The following TTC34 variants were observed in gnomAD, a reference collection of about 807,000 sequenced individuals.
TTC34 encodes the protein tetratricopeptide repeat protein 34.
Under a neutral mutation model 40.7 loss-of-function variants are expected in TTC34, and 44 were observed. The observed-to-expected ratio is 1.08, with a 90% CI of 0.85 to 1.39. TTC34 has a LOEUF of 1.39. Ranked by LOEUF, TTC34 falls within the 40% of genes most tolerant of loss-of-function variation. TTC34 has a pLI of 0.00. For synonymous variants in TTC34, 422 were observed against 398.6 expected, an observed-to-expected ratio of 1.06 and a Z score of -0.70; for missense variants, 884 against 838.0, an observed-to-expected ratio of 1.05 and a Z score of -0.68.
chr1:2,686,295 C>A (rs1486332554), intron 6 of TTC34, among the ~76,000 whole-genome samples: 1 of 151,590 alleles, frequency 6.6e-6, no homozygotes, highest in Non-Finnish European at 1.5e-5. Flanking sequence ...AGGCGAGCAT[C>A]TGAACGCACG....
chr1:2,778,819 T>C (rs988856487), intron 6 of TTC34, among the ~76,000 whole-genome samples: 1 of 152,168 alleles, frequency 6.6e-6, no homozygotes, highest in Non-Finnish European at 1.5e-5. Context: ...TTAAATACAT[T>C]CATCATGTTG....
rs1269569317 is a variant in TTC34 at position 2,685,038 on chromosome 1, C to A, written c.2227-39475G>T. On this transcript the variant is annotated intron_variant, in intron 6 of 8. Coordinates refer to ENST00000401095, the Ensembl canonical transcript of TTC34. ...TGACAGCATGTAACAGCACCCACAC[C>A]CACAGGTGAGCATCTGACAGCCTGG... Among the ~76,000 whole-genome samples, 6 of 113,050 alleles carry A rather than the reference C, an allele frequency of 5.3e-5. 1 individual carries two copies. The South Asian group carries it at 8.2e-4, about 15-fold the overall frequency. 74.2% of individuals were successfully genotyped at this position (113,050 alleles called of 152,430 possible).
At chr1:2,685,223 G>C (rs529919806) in intron 6 of TTC34, among the ~76,000 whole-genome samples, 2 of 124,528 alleles carry the variant, frequency 1.6e-5, no homozygotes, top group Non-Finnish European at 1.7e-5. Flanking sequence ...CTGACATCGT[G>C]GAGCAGCACC....
chr1:2,684,919 C>A (rs1181826940), intron 6 of TTC34, among the ~76,000 whole-genome samples: 14 of 136,482 alleles, frequency 1.0e-4, no homozygotes, highest in African/African-American at 3.1e-4. Context: ...ACCCTGCACA[C>A]CCAGGTGAGC....
intron 6 of TTC34, among the ~76,000 whole-genome samples, chr1:2,749,364 C>G (rs1336233774): frequency 9.0e-3 from 163 of 18,078 alleles, no homozygotes; most frequent in East Asian, 0.032. Context: ...CACCCACATG[C>G]CCAGGTGAGA....
rs569475492 is a variant in TTC34 at position 2,645,308 on chromosome 1, T to C, written c.2482A>G (p.Ile828Val). Residue 828 changes from isoleucine (I) to valine (V), a missense_variant, in exon 7 of 9, where the codon ATT becomes GTT. By Grantham distance (29) the Ile-to-Val change is conservative (BLOSUM62 3). Transcript: ENST00000401095. This position sits in a 1 kb window ranked among gnomAD's most constrained non-coding sequence, Gnocchi z 4.7. ...CGCCGCATACCCTGTGCCATGAGAA[T>C]GTCTGCCAGGAGGAGGTGCCAGTGC... 2.0e-6 allele frequency: 3 copies of C among 1,496,634 alleles called. No homozygotes were observed. In the African/African-American group the frequency reaches 4.2e-5, roughly 21 times the overall value. 92.7% of individuals were successfully genotyped at this position (1,496,634 alleles called of 1,614,324 possible). A position where few individuals can be genotyped will look rare whatever the true frequency, so the allele number is the denominator to read the frequency against.
chr1:2,692,205 C>G (rs61765736), intron 6 of TTC34, among the ~76,000 whole-genome samples: 2 of 27,398 alleles, frequency 7.3e-5, no homozygotes, highest in Admixed American at 3.8e-4. Flanking sequence ...GCATTGGACA[C>G]CCTGGAGCAG....
chr1:2,753,068 T>C (rs1641378087), intron 6 of TTC34, among the ~76,000 whole-genome samples: 11 of 148,394 alleles, frequency 7.4e-5, no homozygotes, highest in African/African-American at 1.0e-4. Flanking sequence ...CAGGTGAGCA[T>C]CTGACAGCCT....
At chr1:2,774,141 G>T (rs1309408134) in intron 6 of TTC34, 1 of 148,422 alleles carries the variant, frequency 6.7e-6, no homozygotes, top group African/African-American at 2.4e-5. Context: ...CCCCCCCACT[G>T]CTTCCAGGTG....
At chr1:2,760,239 C>A (rs1271050450) in intron 6 of TTC34, among the ~76,000 whole-genome samples, 1 of 65,206 alleles carries the variant, frequency 1.5e-5, no homozygotes, top group East Asian at 4.3e-4. Flanking sequence ...GCAGCACCCA[C>A]AACCCCAGGC....
intron 6 of TTC34, among the ~76,000 whole-genome samples, chr1:2,695,816 G>A (rs1180735792): frequency 4.0e-5 from 6 of 149,730 alleles, no homozygotes; most frequent in African/African-American, 1.5e-4. Flanking sequence ...GCATCTGACA[G>A]CCTGGAACAG....
intron 6 of TTC34, among the ~76,000 whole-genome samples, chr1:2,657,425 A>C (rs1570766119): frequency 1.1e-5 from 1 of 88,150 alleles, no homozygotes; most frequent in Non-Finnish European, 2.9e-5. Flanking sequence ...CAGTACCCCC[A>C]GGCGAGCATC....
At chr1:2,685,841 C>A (rs1388713651) in intron 6 of TTC34, among the ~76,000 whole-genome samples, 2 of 132,898 alleles carry the variant, frequency 1.5e-5, no homozygotes, top group East Asian at 4.5e-4. Flanking sequence ...ACCCCCATGC[C>A]CAGGTGAGCC....
intron 6 of TTC34, among the ~76,000 whole-genome samples, chr1:2,683,064 G>GGCGAGCATCTGACAGCCTGGAGCAGCAC: frequency 2.3e-5 from 1 of 42,870 alleles, no homozygotes; most frequent in Non-Finnish European, 5.3e-5. Flanking sequence ...TGGAACCGCA[G>GGCGAGCATCTGACAGCCTGGAGCAGCAC]CCACACCCCC....
chr1:2,788,490 C>A (rs1569967222), intron 3 of TTC34, among the ~76,000 whole-genome samples: 1 of 152,124 alleles, frequency 6.6e-6, no homozygotes. Flanking sequence ...CCAAGAACCG[C>A]CCCCACCCCC....
In TTC34 at chr1:2,756,020, C is replaced by T. The variant is rs1367966519; in HGVS notation, c.2226+27589G>A. On this transcript the variant is annotated intron_variant, in intron 6 of 8. Coordinates refer to ENST00000401095, the Ensembl canonical transcript of TTC34. Reference sequence around the variant, plus strand: ...GCATCTGACACCCTGAAACAGCACACACACCCCCAGGCGAGCATCTGACAA... The same window carrying T: ...GCATCTGACACCCTGAAACAGCACATACACCCCCAGGCGAGCATCTGACAA... Among the ~76,000 whole-genome samples, 14 of 88,194 alleles carry T rather than the reference C, an allele frequency of 1.6e-4. 4 individuals are homozygous for T. Among genetic ancestry groups the T allele is most frequent in the African/African-American group, 1.1e-3 (14 of 13,144 alleles). The allele number at this position is 88,194 out of a possible 152,430, so 57.9% of individuals were successfully genotyped here. A position where few individuals can be genotyped will look rare whatever the true frequency, so the allele number is the denominator to read the frequency against.
intron 6 of TTC34, among the ~76,000 whole-genome samples, chr1:2,759,181 G>T (rs1370741612): frequency 5.7e-3 from 413 of 72,774 alleles, no homozygotes; most frequent in East Asian, 0.011. Flanking sequence ...CTGACAGCAT[G>T]TAACAGCACC....
At chr1:2,695,757 C>T (rs1223468230) in intron 6 of TTC34, among the ~76,000 whole-genome samples, 84 of 127,484 alleles carry the variant, frequency 6.6e-4, no homozygotes, top group Middle Eastern at 3.9e-3. Context: ...CACCCACACC[C>T]CCAGGTGAGC....
At chr1:2,775,310 C>T (rs1254993360) in intron 6 of TTC34, 3 of 151,376 alleles carry the variant, frequency 2.0e-5, no homozygotes, top group Non-Finnish European at 4.4e-5. Flanking sequence ...AATTCTCCAA[C>T]CCCAGGTGAG....
Sources: allele counts gnomAD v4.1 joint callset (sites outside exome capture counted in the v4.1 genomes callset), GRCh38; gene constraint gnomAD v4.1.1; non-coding constraint Gnocchi (gnomAD v3.1); transcripts MANE v1.5; gene names NCBI Gene and HGNC (gene_info 2026-07-23, HGNC 2026-07-21).